The following RBFOX1 variants were observed in gnomAD, a reference collection of about 807,000 sequenced individuals.
RBFOX1 encodes the protein RNA binding protein fox-1 homolog 1.
In RBFOX1, 8 loss-of-function variants were observed where a neutral mutation model predicts 57.7. The ratio of observed to expected loss-of-function variants is 0.14; its 90% CI spans 0.08 to 0.25. The LOEUF (loss-of-function observed/expected upper bound fraction) is 0.25, where lower values mean the gene tolerates loss of function less well. Ranked by LOEUF, RBFOX1 falls within the 10% of genes least tolerant of loss-of-function variation. RBFOX1 has a pLI of 1.00. For synonymous variants in RBFOX1, 326 were observed against 222.4 expected (o/e 1.47, Z -4.15); for missense variants, 611 against 548.5 (o/e 1.11, Z -1.14).
Position 6,870,426 on chromosome 16 carries a change from T to C in RBFOX1, c.-15-181631T>C, listed in dbSNP as rs995963164. 7.2e-5 allele frequency among the ~76,000 whole-genome samples: 11 copies of C among 152,352 alleles called. No individual in the cohort carries two copies. The South Asian group carries it at 1.2e-3, about 17-fold the overall frequency. The stretch of plus-strand genomic sequence containing the variant: ...TCAGCAAGTCTTACCTCACTTCTGA[T>C]ACCTATAAATATCTAAGGTTTTAGT... On this transcript the variant is annotated intron_variant, in intron 3 of 15. Coordinates refer to ENST00000550418, the MANE Select transcript of RBFOX1 (RefSeq NM_018723.4).
rs115823460 is a variant in RBFOX1 at position 5,773,595 on chromosome 16, C to G, written c.319-93708C>G. 4.7e-3 allele frequency among the ~76,000 whole-genome samples: 723 copies of G among 152,326 alleles called. 8 individuals are homozygous for G. Among genetic ancestry groups the G allele is most frequent in the African/African-American group, 0.017 (690 of 41,574 alleles). On this transcript the variant is annotated intron_variant, in intron 3 of 19. Transcript: ENST00000641259. ...ATTTTTCCCATTCTGAACAGTGTAA[C>G]AGTGAACATTTTTGCAATATCTATT...
At chr16:6,371,038 G>A (rs1367001629) in intron 2 of RBFOX1, among the ~76,000 whole-genome samples, 1 of 152,110 alleles carries the variant, frequency 6.6e-6, no homozygotes, top group African/African-American at 2.4e-5. Flanking sequence ...ATAATGTCCT[G>A]TTTTTCCCAG....
chr16:6,980,105 C>A (rs1334049159), intron 3 of RBFOX1, among the ~76,000 whole-genome samples: 1 of 152,162 alleles, frequency 6.6e-6, no homozygotes, highest in Non-Finnish European at 1.5e-5. Context: ...GTAGAACAGT[C>A]ACAGCACAGG....
intron 5 of RBFOX1, among the ~76,000 whole-genome samples, chr16:7,567,313 A>C (rs1226709719): frequency 8.7e-6 from 1 of 115,456 alleles, no homozygotes; most frequent in Non-Finnish European, 1.8e-5. Flanking sequence ...CTATATATAT[A>C]TATATATATC....
chr16:6,763,900 C>T (rs907743370), intron 3 of RBFOX1, among the ~76,000 whole-genome samples: 4 of 152,128 alleles, frequency 2.6e-5, no homozygotes, highest in Non-Finnish European at 5.9e-5. Flanking sequence ...GTTCAGGAAC[C>T]TGTGCTTAGC....
At chr16:6,341,696 G>A (rs772667149) in intron 2 of RBFOX1, among the ~76,000 whole-genome samples, 14 of 151,846 alleles carry the variant, frequency 9.2e-5, no homozygotes, top group Non-Finnish European at 1.8e-4. Context: ...TAGGGTGGCT[G>A]GTTTCCTCCT....
At chr16:7,201,930 G>A (rs8053396) in intron 4 of RBFOX1, among the ~76,000 whole-genome samples, 14,958 of 152,214 alleles carry the variant, frequency 0.098, 802 homozygotes, top group Non-Finnish European at 0.11. Context: ...ATTTATTTCA[G>A]AGGTAACACT....
chr16:5,994,916 C>A (rs1181243098), intron 4 of RBFOX1, among the ~76,000 whole-genome samples: 1 of 152,190 alleles, frequency 6.6e-6, no homozygotes, highest in Admixed American at 6.5e-5. Context: ...ATGAACAGAT[C>A]AACTTGCCCA....
chr16:6,498,537 TGCA>T (rs1195929978), intron 2 of RBFOX1, among the ~76,000 whole-genome samples: 9 of 152,188 alleles, frequency 5.9e-5, no homozygotes, highest in African/African-American at 2.2e-4. Flanking sequence ...AGATTTTGCC[TGCA>T]GGTGTTCCTC....
rs146507904 is a variant in RBFOX1 at position 7,443,500 on chromosome 16, C to T, written c.28-74647C>T. Among the ~76,000 whole-genome samples, 648 of 150,848 alleles carry T rather than the reference C, an allele frequency of 4.3e-3. 6 individuals carry two copies. The highest frequency in any genetic ancestry group is 0.015 in the African/African-American group (605 of 41,044). On this transcript the variant is annotated intron_variant, in intron 4 of 15. Coordinates refer to ENST00000550418, the MANE Select transcript of RBFOX1 (RefSeq NM_018723.4). ...CAGCGTTTGACTGGTAGGCTAAGAACCTTGAATCCTGCCAGATATGAACCC... is the reference window on the plus strand; with the variant it reads ...CAGCGTTTGACTGGTAGGCTAAGAATCTTGAATCCTGCCAGATATGAACCC...
intron 1 of RBFOX1, among the ~76,000 whole-genome samples, chr16:6,052,639 A>C (rs938193204): frequency 4.0e-5 from 6 of 151,386 alleles, no homozygotes; most frequent in Admixed American, 2.0e-4. Flanking sequence ...AAAAAATTAG[A>C]CTGGCGCGGT....
intron 4 of RBFOX1, among the ~76,000 whole-genome samples, chr16:7,497,711 A>T (rs1769354924): frequency 6.6e-6 from 1 of 152,220 alleles, no homozygotes; most frequent in Non-Finnish European, 1.5e-5. Context: ...ATATCCTTCC[A>T]TGTGTCACTG....
intron 14 of RBFOX1, among the ~76,000 whole-genome samples, chr16:7,701,146 A>C: frequency 6.7e-6 from 1 of 149,962 alleles, no homozygotes; most frequent in East Asian, 2.0e-4. Flanking sequence ...TAAGGAAGTC[A>C]GCAGCAATGA....
intron 3 of RBFOX1, among the ~76,000 whole-genome samples, chr16:5,623,499 T>C (rs1039813813): frequency 1.3e-5 from 2 of 152,198 alleles, no homozygotes; most frequent in African/African-American, 4.8e-5. Flanking sequence ...GACAGGCCCA[T>C]GAAGACTTTT....
chr16:7,380,806 G>A (rs1057224407), intron 4 of RBFOX1, among the ~76,000 whole-genome samples: 2 of 152,198 alleles, frequency 1.3e-5, no homozygotes, highest in East Asian at 1.9e-4. Context: ...AATCCCTAAT[G>A]AGAAATTCAG....
chr16:7,424,468 C>T (rs1180535065), intron 4 of RBFOX1, among the ~76,000 whole-genome samples: 1 of 152,134 alleles, frequency 6.6e-6, no homozygotes, highest in Non-Finnish European at 1.5e-5. Flanking sequence ...CCACGTTGGC[C>T]AGGCAGGTCT....
At chr16:7,538,735 G>C (rs1198122431) in intron 5 of RBFOX1, among the ~76,000 whole-genome samples, 1 of 152,152 alleles carries the variant, frequency 6.6e-6, no homozygotes, top group Non-Finnish European at 1.5e-5. Context: ...GTGAAGTTTA[G>C]CTGTAGAGAT....
At chr16:6,998,261 T>A (rs1016417917) in intron 3 of RBFOX1, among the ~76,000 whole-genome samples, 3 of 152,164 alleles carry the variant, frequency 2.0e-5, no homozygotes, top group African/African-American at 4.8e-5. Flanking sequence ...TCCTAAAGCC[T>A]ATGGGGTTCT....
At chr16:6,980,168 G>T (rs1049941903) in intron 3 of RBFOX1, among the ~76,000 whole-genome samples, 3 of 152,148 alleles carry the variant, frequency 2.0e-5, no homozygotes, top group Non-Finnish European at 4.4e-5. Context: ...AGCCTCCGCA[G>T]TTAGGATTTC....
Sources: gnomAD v4.1 joint callset for allele counts (sites outside exome capture counted in the v4.1 genomes callset) on GRCh38, gnomAD v4.1.1 for gene constraint, MANE v1.5 for transcripts, NCBI Gene and HGNC (gene_info 2026-07-23, HGNC 2026-07-21) for gene names.